Variants in DLG2 observed in about 807,000 individuals in gnomAD.
DLG2 encodes the protein discs large MAGUK scaffold protein 2, also known as disks large homolog 2.
DLG2 carries 45 observed loss-of-function variants against 132.5 expected under a neutral mutation model. The observed-to-expected ratio is 0.34, with a 90% CI of 0.27 to 0.44. The LOEUF (loss-of-function observed/expected upper bound fraction) is 0.44. Ranked by LOEUF, DLG2 falls within the 20% of genes least tolerant of loss-of-function variation. DLG2 has a pLI of 1.00. For synonymous variants in DLG2, 424 were observed against 419.6 expected (o/e 1.01, Z -0.13); for missense variants, 1,045 against 1,196.9 (o/e 0.87, Z 1.87).
intron 15 of DLG2, among the ~76,000 whole-genome samples, chr11:83,887,812 T>C (rs2068382960): frequency 6.6e-6 from 1 of 151,334 alleles, no homozygotes; most frequent in Non-Finnish European, 1.5e-5. Context: ...AATCAATAAA[T>C]GTAATCCAGC....
chr11:85,282,928 C>G (rs1425352655), intron 4 of DLG2, among the ~76,000 whole-genome samples: 1 of 151,758 alleles, frequency 6.6e-6, no homozygotes, highest in Non-Finnish European at 1.5e-5. Context: ...GAGATCATGC[C>G]CTTTGCAGGA....
At chr11:84,103,805 T>G (rs1162296757) in intron 9 of DLG2, among the ~76,000 whole-genome samples, 1 of 152,092 alleles carries the variant, frequency 6.6e-6, no homozygotes, top group African/African-American at 2.4e-5. Flanking sequence ...AAAATTTCTC[T>G]CAAAATGGGG....
intron 6 of DLG2, among the ~76,000 whole-genome samples, chr11:85,021,882 C>T (rs971488471): frequency 6.6e-6 from 1 of 151,950 alleles, no homozygotes; most frequent in Non-Finnish European, 1.5e-5. Context: ...TGGAACTATA[C>T]AAAATTTTAT....
chr11:85,296,467 C>CTTTTTTTTTTTTTTTT (rs66526147), intron 3 of DLG2, among the ~76,000 whole-genome samples: 2 of 121,556 alleles, frequency 1.6e-5, no homozygotes, highest in African/African-American at 3.1e-5. Context: ...TTTCGATTTT[C>CTTTTTTTTTTTTTTTT]TTTTTTTTTT....
chr11:84,942,697 C>T (rs2049613843), intron 6 of DLG2, among the ~76,000 whole-genome samples: 1 of 152,178 alleles, frequency 6.6e-6, no homozygotes, highest in Non-Finnish European at 1.5e-5. Context: ...ATGTACTCTG[C>T]AGCCAATGGG....
At chr11:83,957,229 C>G (rs2087113351) in intron 14 of DLG2, among the ~76,000 whole-genome samples, 1 of 152,158 alleles carries the variant, frequency 6.6e-6, no homozygotes, top group South Asian at 2.1e-4. Flanking sequence ...GGCTTCTAAC[C>G]AGTTCTAATC....
chr11:85,153,927 A>G (rs1212176491), intron 5 of DLG2, among the ~76,000 whole-genome samples: 1 of 152,116 alleles, frequency 6.6e-6, no homozygotes, highest in Non-Finnish European at 1.5e-5. Context: ...CAATTATGAA[A>G]ACAAGTTTCT....
intron 7 of DLG2, among the ~76,000 whole-genome samples, chr11:84,345,299 A>G (rs563308386): frequency 1.8e-4 from 27 of 152,254 alleles, no homozygotes; most frequent in Non-Finnish European, 3.4e-4. Flanking sequence ...GTATATTTGC[A>G]GAATGTGAAA....
intron 3 of DLG2, among the ~76,000 whole-genome samples, chr11:85,436,336 T>A (rs1187954175): frequency 6.6e-6 from 1 of 152,046 alleles, no homozygotes; most frequent in Non-Finnish European, 1.5e-5. Flanking sequence ...AAAGAGCTTC[T>A]GCACAGCAAA....
intron 3 of DLG2, among the ~76,000 whole-genome samples, chr11:85,305,021 T>C (rs1011488518): frequency 1.3e-5 from 2 of 152,240 alleles, no homozygotes; most frequent in Non-Finnish European, 1.5e-5. Flanking sequence ...CCTGGAATTG[T>C]AGGTTCTCAG....
chr11:83,664,077 T>C (rs181259375), intron 18 of DLG2, among the ~76,000 whole-genome samples: 208 of 152,308 alleles, frequency 1.4e-3, no homozygotes, highest in African/African-American at 4.9e-3. Context: ...TTACAGAGCT[T>C]ACTGTAAGGA....
intron 11 of DLG2, among the ~76,000 whole-genome samples, chr11:84,006,138 A>T (rs553967886): frequency 7.2e-5 from 11 of 152,022 alleles, no homozygotes; most frequent in African/African-American, 2.6e-4. Flanking sequence ...ACAGAATATT[A>T]TTTGGCTGTA....
intron 6 of DLG2, among the ~76,000 whole-genome samples, chr11:84,845,399 C>T (rs188927929): frequency 6.6e-6 from 1 of 152,154 alleles, no homozygotes; most frequent in Admixed American, 6.6e-5. Context: ...TCTCTGCTCT[C>T]CTGGCACTTA....
chr11:84,714,611 TTCTCTTTCTCTTTCTC>T (rs1565750247), intron 6 of DLG2, among the ~76,000 whole-genome samples: 3,891 of 92,064 alleles, frequency 0.042, 188 homozygotes, highest in African/African-American at 0.13. Context: ...CTCTTTCTCT[TTCTCTTTCTCTTTCTC>T]TCTCTCTCTC....
chr11:84,858,189 A>G (rs1249276148), intron 6 of DLG2, among the ~76,000 whole-genome samples: 1 of 152,012 alleles, frequency 6.6e-6, no homozygotes, highest in East Asian at 1.9e-4. Context: ...CACCATGCCC[A>G]GCTAACCTAA....
chr11:85,533,141 A>G (rs541769099), intron 3 of DLG2, among the ~76,000 whole-genome samples: 97 of 152,270 alleles, frequency 6.4e-4, no homozygotes, highest in Non-Finnish European at 1.1e-3. Context: ...CCCCTGCTTC[A>G]GCCTCCCAAG....
At chr11:83,857,668 T>C (rs1289231807) in intron 16 of DLG2, among the ~76,000 whole-genome samples, 2 of 152,218 alleles carry the variant, frequency 1.3e-5, no homozygotes, top group African/African-American at 2.4e-5. Context: ...AACGCTAATG[T>C]AAGCTATGGA....
chr11:84,588,610 A>G (rs1259685423), intron 6 of DLG2, among the ~76,000 whole-genome samples: 3 of 152,112 alleles, frequency 2.0e-5, no homozygotes, highest in African/African-American at 7.2e-5. Flanking sequence ...AAATGAGGCT[A>G]AGACCTGCTG....
At chr11:85,468,627 T>G (rs1278232579) in intron 3 of DLG2, among the ~76,000 whole-genome samples, 1 of 152,152 alleles carries the variant, frequency 6.6e-6, no homozygotes, top group Non-Finnish European at 1.5e-5. Context: ...CGGTTTTGAG[T>G]GAGTTTCTTA....
Sources: gnomAD v4.1 joint callset for allele counts (sites outside exome capture counted in the v4.1 genomes callset) on GRCh38, gnomAD v4.1.1 for gene constraint, MANE v1.5 for transcripts, NCBI Gene and HGNC (gene_info 2026-07-23, HGNC 2026-07-21) for gene names.